The following SDK1 variants were observed in gnomAD, a reference collection of about 807,000 sequenced individuals.
The protein encoded by SDK1 is sidekick cell adhesion molecule 1, also known as protein sidekick-1.
In SDK1, 157 loss-of-function variants were observed where a neutral mutation model predicts 245.5. The ratio of observed to expected loss-of-function variants is 0.64; its 90% CI spans 0.56 to 0.73. The LOEUF is 0.73. Among genes scored for constraint, SDK1 ranks in the 30% least tolerant of loss-of-function variants. The probability of loss-of-function intolerance (pLI) is 0.00; values close to 1 mark genes in which losing one functional copy is unlikely to be tolerated. For missense variants in SDK1, 3,583 were observed against 3,002.3 expected (o/e 1.19, Z -4.52); for synonymous variants, 1,647 against 1,278.5 (o/e 1.29, Z -6.15).
intron 27 of SDK1, 110 bp downstream of exon 27, chr7:4,130,207 C>G: frequency 1.6e-6 from 2 of 1,235,140 alleles, no homozygotes; most frequent in South Asian, 1.5e-5. Context: ...AAACCACTTT[C>G]TTTTGCAGTT....
At chr7:3,566,502 G>A (rs1444010046) in intron 1 of SDK1, among the ~76,000 whole-genome samples, 1 of 152,018 alleles carries the variant, frequency 6.6e-6, no homozygotes, top group Admixed American at 6.5e-5. Flanking sequence ...TGGGATTACA[G>A]GCGTGAGCCA....
At chr7:3,730,641 G>T (rs1055159267) in intron 4 of SDK1, among the ~76,000 whole-genome samples, 1 of 152,188 alleles carries the variant, frequency 6.6e-6, no homozygotes, top group Non-Finnish European at 1.5e-5. Flanking sequence ...CCAGTGGTGT[G>T]TGAGTTGTGG....
At chr7:3,502,671 A>G (rs1782255612) in intron 1 of SDK1, among the ~76,000 whole-genome samples, 1 of 152,212 alleles carries the variant, frequency 6.6e-6, no homozygotes, top group East Asian at 1.9e-4. Flanking sequence ...ATATTTTTTA[A>G]TTTTAAAAAT....
chr7:4,110,381 G>T (rs1377886976), intron 22 of SDK1, among the ~76,000 whole-genome samples: 1 of 152,206 alleles, frequency 6.6e-6, no homozygotes, highest in Non-Finnish European at 1.5e-5. Flanking sequence ...GCCCTCAGAG[G>T]TTTGTTCCCA....
rs10282727 is a variant in SDK1, at chr7:3,791,424, A to G, written c.714-30026A>G. Among the ~76,000 whole-genome samples, 848 of 152,344 alleles carry G rather than the reference A, an allele frequency of 5.6e-3. 8 individuals are homozygous for G. Among genetic ancestry groups the G allele is most frequent in the African/African-American group, 0.02 (815 of 41,584 alleles). On this transcript the variant is annotated intron_variant, in intron 4 of 44. Coordinates refer to ENST00000404826, the MANE Select transcript of SDK1 (RefSeq NM_152744.4). ...TGGACCAGCTCATCATGGTGTGAGCATAAGGAAAGACTGACTTCGTGGCAG... is the reference window on the plus strand; with the variant it reads ...TGGACCAGCTCATCATGGTGTGAGCGTAAGGAAAGACTGACTTCGTGGCAG...
At chr7:3,402,023 A>T (rs1055105893) in intron 1 of SDK1, among the ~76,000 whole-genome samples, 5 of 152,136 alleles carry the variant, frequency 3.3e-5, no homozygotes, top group Admixed American at 3.3e-4. Context: ...ATTGTGGGAG[A>T]TATAAAAGAA....
chr7:4,061,023 C>T (rs1286016009), intron 19 of SDK1, among the ~76,000 whole-genome samples: 2 of 152,300 alleles, frequency 1.3e-5, no homozygotes, highest in Admixed American at 1.3e-4. Context: ...GTACCAGTAC[C>T]ATGCTGTTTT....
chr7:3,734,794 C>T (rs887524110), intron 4 of SDK1, among the ~76,000 whole-genome samples: 1 of 152,198 alleles, frequency 6.6e-6, no homozygotes, highest in African/African-American at 2.4e-5. Flanking sequence ...CAGCCTCTGT[C>T]TTATAAACAG....
intron 4 of SDK1, among the ~76,000 whole-genome samples, chr7:3,819,073 G>C (rs946765911): frequency 1.3e-5 from 2 of 152,160 alleles, no homozygotes; most frequent in African/African-American, 4.8e-5. Flanking sequence ...TAAGATGAAT[G>C]GTTTTGGATG....
intron 32 of SDK1, among the ~76,000 whole-genome samples, chr7:4,172,817 G>C (rs1781934212): frequency 6.6e-6 from 1 of 152,180 alleles, no homozygotes; most frequent in South Asian, 2.1e-4. Context: ...CTCTGTCCCT[G>C]TCTTCATCGG....
chr7:4,207,915 C>T (rs1220644263), intron 36 of SDK1, among the ~76,000 whole-genome samples, 184 bp from the exon 37 acceptor site: 2 of 152,118 alleles, frequency 1.3e-5, no homozygotes, highest in Non-Finnish European at 1.5e-5. Context: ...CAGGGGTCCC[C>T]GTCCATACAC....
chr7:3,802,090 G>A (rs1406657016), intron 4 of SDK1, among the ~76,000 whole-genome samples: 1 of 152,190 alleles, frequency 6.6e-6, no homozygotes, highest in Non-Finnish European at 1.5e-5. Context: ...ATTCAGAGAA[G>A]TTCCATGTAC....
intron 32 of SDK1, among the ~76,000 whole-genome samples, chr7:4,163,694 G>A (rs1055051423): frequency 1.3e-5 from 2 of 152,294 alleles, no homozygotes; most frequent in East Asian, 1.9e-4. Context: ...AGCGCCAGCC[G>A]CAGCCTTCCT....
chr7:3,596,949 C>T (rs73037689), intron 1 of SDK1, among the ~76,000 whole-genome samples: 1 of 151,930 alleles, frequency 6.6e-6, no homozygotes, highest in Admixed American at 6.6e-5. Flanking sequence ...GAACACTGGC[C>T]GCCTGTGATT....
rs1421798906 is a variant in SDK1, at chr7:4,114,280, G to A, written c.3823+6G>A. 1.3e-6 allele frequency: 2 copies of A among 1,587,294 alleles called. No homozygotes were observed. The highest frequency in any genetic ancestry group is 2.3e-5 in the South Asian group (2 of 88,594). ...GGGCCGGACGCGGGAGTCAGGTGAGGGGAAGGCGATTCCCATCCTGGAGAC... is the reference window on the plus strand; with the variant it reads ...GGGCCGGACGCGGGAGTCAGGTGAGAGGAAGGCGATTCCCATCCTGGAGAC... On this transcript the variant is annotated splice_donor_region_variant and intron_variant, in intron 25 of 44. Transcript: ENST00000404826.
At chr7:4,124,290 G>A (rs1056931269) in intron 25 of SDK1, among the ~76,000 whole-genome samples, 2 of 152,196 alleles carry the variant, frequency 1.3e-5, no homozygotes, top group African/African-American at 2.4e-5. Flanking sequence ...TCTGGAAGGT[G>A]GAATCTGAGC....
chr7:3,678,864 T>G (rs1433014374), intron 4 of SDK1, among the ~76,000 whole-genome samples: 1 of 152,184 alleles, frequency 6.6e-6, no homozygotes, highest in Non-Finnish European at 1.5e-5. Context: ...CTGGAGCAAT[T>G]GGGTATCAAC....
intron 1 of SDK1, among the ~76,000 whole-genome samples, chr7:3,511,607 C>A (rs533356300): frequency 6.6e-6 from 1 of 151,958 alleles, no homozygotes; most frequent in East Asian, 1.9e-4. Context: ...TCTTTCTAAC[C>A]CTCTAGTTCA....
At chr7:4,007,918 T>TA (rs1276519496) in intron 14 of SDK1, among the ~76,000 whole-genome samples, 3 of 152,108 alleles carry the variant, frequency 2.0e-5, no homozygotes, top group Non-Finnish European at 4.4e-5. Context: ...GAAACACACA[T>TA]AAAAAATCCA....
Sources: allele counts gnomAD v4.1 joint callset (sites outside exome capture counted in the v4.1 genomes callset), GRCh38; gene constraint gnomAD v4.1.1; transcripts MANE v1.5; gene names NCBI Gene and HGNC (gene_info 2026-07-23, HGNC 2026-07-21).